The following CNNM2 variants were observed in gnomAD, a reference collection of about 807,000 sequenced individuals.
CNNM2 encodes metal transporter CNNM2.
A neutral mutation model predicts 66.9 loss-of-function variants in CNNM2; 12 were observed. The ratio of observed to expected loss-of-function variants is 0.18; its 90% CI spans 0.11 to 0.29. CNNM2 has a LOEUF of 0.29. Among genes scored for constraint, CNNM2 ranks in the 10% least tolerant of loss-of-function variants. CNNM2 has a pLI of 1.00. For synonymous variants in CNNM2, 557 were observed against 501.8 expected (o/e 1.11, Z -1.47); for missense variants, 705 against 1,167.7 (o/e 0.60, Z 5.77).
intron 1 of CNNM2, among the ~76,000 whole-genome samples, chr10:102,988,659 A>G (rs1373963885): frequency 6.6e-6 from 1 of 152,046 alleles, no homozygotes; most frequent in Non-Finnish European, 1.5e-5. Context: ...AACTTTACCA[A>G]ATGATGGGTT....
In CNNM2 at chr10:103,007,016, C is replaced by T. The variant is rs572391619; in HGVS notation, c.1622-42691C>T. 3.3e-5 allele frequency among the ~76,000 whole-genome samples: 5 copies of T among 152,174 alleles called. No homozygotes were observed. The East Asian group carries it at 5.9e-4, about 18-fold the overall frequency. On this transcript the variant is annotated intron_variant, in intron 1 of 7. Transcript: ENST00000369878. Reference sequence around the variant, plus strand: ...GGGGAACCCACCCCCAGTATTTCAACGTAGGTTCTTTCTATTTTCCCTAAG... The same window carrying T: ...GGGGAACCCACCCCCAGTATTTCAATGTAGGTTCTTTCTATTTTCCCTAAG...
intron 1 of CNNM2, among the ~76,000 whole-genome samples, chr10:103,008,441 G>T (rs569869986): frequency 6.6e-6 from 1 of 152,306 alleles, no homozygotes; most frequent in East Asian, 1.9e-4. Context: ...GTATAGACTA[G>T]CTTTGGATTA....
At chr10:103,016,784 T>C (rs944393354) in intron 1 of CNNM2, among the ~76,000 whole-genome samples, 1 of 152,120 alleles carries the variant, frequency 6.6e-6, no homozygotes, top group Non-Finnish European at 1.5e-5. Context: ...GGAGGCCAGT[T>C]CTTCACATTG....
At chr10:103,018,044 AG>A (rs959357362) in intron 1 of CNNM2, among the ~76,000 whole-genome samples, 2 of 150,826 alleles carry the variant, frequency 1.3e-5, no homozygotes, top group Non-Finnish European at 3.0e-5. Flanking sequence ...GAGCTGCTCT[AG>A]TGGGGAGGTT....
chr10:103,073,261 A>C (rs1195999425), intron 6 of CNNM2, among the ~76,000 whole-genome samples: 3 of 152,284 alleles, frequency 2.0e-5, no homozygotes, highest in African/African-American at 7.2e-5. Context: ...TTGGAAGATC[A>C]GAGAAATCCC....
At chr10:102,944,259 A>C (rs534382193) in intron 1 of CNNM2, among the ~76,000 whole-genome samples, 2 of 151,894 alleles carry the variant, frequency 1.3e-5, no homozygotes, top group South Asian at 4.2e-4. Flanking sequence ...TTGTATTTTT[A>C]ATAAAGATGG....
chr10:102,940,263 T>C, intron 1 of CNNM2, among the ~76,000 whole-genome samples: 1 of 151,906 alleles, frequency 6.6e-6, no homozygotes, highest in Non-Finnish European at 1.5e-5. Flanking sequence ...CTCCCCTCTG[T>C]ATATTGTTAT....
At chr10:102,957,895 A>G (rs995476020) in intron 1 of CNNM2, among the ~76,000 whole-genome samples, 1 of 152,174 alleles carries the variant, frequency 6.6e-6, no homozygotes, top group Non-Finnish European at 1.5e-5. Flanking sequence ...TTGCTGTGGG[A>G]GAGTTGGAAG....
intron 1 of CNNM2, among the ~76,000 whole-genome samples, chr10:102,939,487 A>T (rs1374710746): frequency 2.6e-5 from 4 of 152,024 alleles, no homozygotes. Context: ...GCTGTAGGTG[A>T]GGACCACTCT....
intron 1 of CNNM2, among the ~76,000 whole-genome samples, chr10:103,003,882 C>T (rs746326295): frequency 3.3e-5 from 5 of 151,434 alleles, no homozygotes; most frequent in Non-Finnish European, 7.4e-5. Context: ...TGAAAACATA[C>T]AAGGTGTATT....
intron 1 of CNNM2, among the ~76,000 whole-genome samples, chr10:103,005,613 C>T (rs2064210282): frequency 1.3e-5 from 2 of 152,118 alleles, no homozygotes; most frequent in African/African-American, 2.4e-5. Context: ...CGCACCACTG[C>T]ACTCCAACCT....
intron 1 of CNNM2, among the ~76,000 whole-genome samples, chr10:103,010,774 A>G (rs1438893929): frequency 6.6e-6 from 1 of 151,730 alleles, no homozygotes; most frequent in Non-Finnish European, 1.5e-5. Flanking sequence ...CACCATGCCC[A>G]GCTAATTTTT....
At chr10:103,049,956 C>G (rs991116906) in intron 2 of CNNM2, 106 bp downstream of exon 2, 11 of 1,115,054 alleles carry the variant, frequency 9.9e-6, no homozygotes, top group Non-Finnish European at 1.4e-5. Context: ...TTTATAATGA[C>G]ACATGATGTG....
chr10:103,089,681 C>T lies in CNNM2; in HGVS notation c.*12501C>T, dbSNP rs774541114. 1.3e-5 allele frequency: 20 copies of T among 1,514,580 alleles called. No individual in the cohort carries two copies. The African/African-American group carries it at 1.7e-4, about 13-fold the overall frequency. 93.8% of individuals were successfully genotyped at this position (1,514,580 alleles called of 1,614,324 possible). ...GTTTTGGTTTTCCTCCTTATTCTTCCTCCTCCTCCTCCTCTTCATCATCAT... is the reference window on the plus strand; with the variant it reads ...GTTTTGGTTTTCCTCCTTATTCTTCTTCCTCCTCCTCCTCTTCATCATCAT... On this transcript the variant is annotated 3_prime_UTR_variant, in exon 8 of 8. Transcript: ENST00000369878.
chr10:102,940,625 A>G (rs1232857012), intron 1 of CNNM2, among the ~76,000 whole-genome samples: 19 of 150,802 alleles, frequency 1.3e-4, no homozygotes, highest in Middle Eastern at 3.6e-3. Context: ...TCACCGTGTT[A>G]GCCAGGATGG....
At chr10:103,007,205 G>T (rs1003553787) in intron 1 of CNNM2, among the ~76,000 whole-genome samples, 1 of 152,172 alleles carries the variant, frequency 6.6e-6, no homozygotes, top group Non-Finnish European at 1.5e-5. Context: ...CGAACAGGGA[G>T]TAGGTCACAA....
In CNNM2 at chr10:102,920,080, A is replaced by G. The variant is rs780947911; in HGVS notation, c.1600A>G (p.Met534Val). 1.2e-6 allele frequency: 2 copies of G among 1,614,234 alleles called. No individual in the cohort carries two copies. Among genetic ancestry groups the G allele is most frequent in the Non-Finnish European group, 1.7e-6 (2 of 1,180,046 alleles). ...TTTCAATGACACCAAGTTGGACGCT[A>G]TGCTGGAAGAATTTAAGAAAGGTGG... ...FVFNDTKLDA[M>V]LEEFKKGKSH... Residue 534 changes from methionine (M) to valine (V), a missense_variant, in exon 1 of 8, where the codon ATG becomes GTG. Around this residue, in one of 9 missense-constraint regions of CNNM2, gnomAD observed 171 missense variants for 304.8 expected, o/e 0.56. Transcript: ENST00000369878.
At chr10:102,940,990 G>T (rs1846412295) in intron 1 of CNNM2, among the ~76,000 whole-genome samples, 1 of 152,050 alleles carries the variant, frequency 6.6e-6, no homozygotes, top group Admixed American at 6.6e-5. Context: ...CTCCCAAAGG[G>T]TTGGGATTAC....
chr10:102,943,830 T>C (rs759902799), intron 1 of CNNM2, among the ~76,000 whole-genome samples: 89 of 152,224 alleles, frequency 5.8e-4, no homozygotes, highest in Non-Finnish European at 1.1e-3. Flanking sequence ...TGTCTGTAGT[T>C]AACACACCTC....
Sources: gnomAD v4.1 joint callset for allele counts (sites outside exome capture counted in the v4.1 genomes callset) on GRCh38, gnomAD v4.1.1 for gene constraint, gnomAD v4.1.1 regional missense constraint, MANE v1.5 for transcripts, NCBI Gene and HGNC (gene_info 2026-07-23, HGNC 2026-07-21) for gene names.